Variants in ALDH1A3 observed in about 807,000 individuals in gnomAD.
ALDH1A3 encodes aldehyde dehydrogenase 1 family member A3, also known as retinaldehyde dehydrogenase 3.
Under a neutral mutation model 57.5 loss-of-function variants are expected in ALDH1A3, and 28 were observed. That is an observed-to-expected ratio of 0.49 (90% CI 0.36 to 0.67). The LOEUF (loss-of-function observed/expected upper bound fraction) is 0.67, where lower values mean the gene tolerates loss of function less well. Among genes scored for constraint, ALDH1A3 ranks in the 30% least tolerant of loss-of-function variants. ALDH1A3 has a pLI of 0.00. For missense variants in ALDH1A3, 507 were observed against 669.4 expected (o/e 0.76, Z 2.68); for synonymous variants, 281 against 264.8 (o/e 1.06, Z -0.59).
chr15:100,885,119 G>A, intron 1 of ALDH1A3, 148 bp from the exon 2 acceptor site: 1 of 618,820 alleles, frequency 1.6e-6, no homozygotes, highest in Non-Finnish European at 2.9e-6. Context: ...TCCCCTCCGG[G>A]TCTCATCTAT....
At chr15:100,904,561 GTC>G (rs1347673624) in intron 9 of ALDH1A3, among the ~76,000 whole-genome samples, 2 of 152,238 alleles carry the variant, frequency 1.3e-5, no homozygotes, top group South Asian at 4.1e-4. Context: ...GTAAAGCTTT[GTC>G]TCTCCCAGCC....
In ALDH1A3 at chr15:100,893,162, G is replaced by A. The variant is rs2041668274; in HGVS notation, c.537+156G>A. The A allele has an allele frequency of 3.1e-6, 2 of 637,152 alleles. No homozygotes were observed. Among genetic ancestry groups the A allele is most frequent in the African/African-American group, 3.6e-5 (2 of 55,016 alleles). The allele number at this position is 637,152 out of a possible 1,614,324, so 39.5% of individuals were successfully genotyped here. ...TGGAACTCCATGCTTGGGGGCTCTT[G>A]AGATGGATTAGACCCCATTTCTGCT... On this transcript the variant is annotated intron_variant, in intron 5 of 12. Transcript: ENST00000329841. This position sits in a 1 kb window ranked among gnomAD's most constrained non-coding sequence, Gnocchi z 4.8.
rs1262242805 is a variant in ALDH1A3, at chr15:100,914,873, A to G, written c.*100A>G. 1 of 1,090,274 alleles carries G rather than the reference A, an allele frequency of 9.2e-7. No individual in the cohort carries two copies. The highest frequency in any genetic ancestry group is 1.3e-6 in the Non-Finnish European group (1 of 742,858). The allele number at this position is 1,090,274 out of a possible 1,614,324, so 67.5% of individuals were successfully genotyped here. On this transcript the variant is annotated 3_prime_UTR_variant, in exon 13 of 13. Coordinates refer to ENST00000329841, the MANE Select transcript of ALDH1A3 (RefSeq NM_000693.4). ...GACATTTCTGACCTTCCCGGGACAC[A>G]TTCTTCTGGAGGCTTTACATCTACT...
intron 7 of ALDH1A3, among the ~76,000 whole-genome samples, chr15:100,897,033 C>G (rs919956632): frequency 3.3e-5 from 5 of 152,160 alleles, no homozygotes; most frequent in Non-Finnish European, 5.9e-5. Flanking sequence ...TGTGGAATTA[C>G]TTTTAATGAG....
intron 7 of ALDH1A3, 121 bp from the exon 8 acceptor site, chr15:100,897,961 TG>T: frequency 1.2e-6 from 1 of 824,900 alleles, no homozygotes; most frequent in Non-Finnish European, 2.0e-6. Flanking sequence ...CTGGAGCGCC[TG>T]GGCCGAGAGC....
chr15:100,894,133 C>G lies in ALDH1A3; in HGVS notation c.666+51C>G. On this transcript the variant is annotated intron_variant, in intron 6 of 12. Transcript: ENST00000329841. This position sits in a 1 kb window ranked among gnomAD's most constrained non-coding sequence, Gnocchi z 4.5. ...ACATGTTCTTGGTAACATTCCCACT[C>G]CTAGGAACCAGGCCACCGTCACGAG... 1 of 1,599,084 alleles carries G rather than the reference C, an allele frequency of 6.3e-7. No individual in the cohort carries two copies. Among genetic ancestry groups the G allele is most frequent in the Non-Finnish European group, 8.5e-7 (1 of 1,171,864 alleles).
At chr15:100,890,549 G>T (rs1030320835) in intron 3 of ALDH1A3, among the ~76,000 whole-genome samples, 16 of 152,172 alleles carry the variant, frequency 1.1e-4, no homozygotes, top group Non-Finnish European at 2.1e-4. Flanking sequence ...AAATAGCAAT[G>T]CTGGCTGAAT....
At position 100,905,509 on chromosome 15, in the gene ALDH1A3, T is replaced by A. The variant is rs1390155790; in HGVS notation, c.1069-14T>A. On this transcript the variant is annotated splice_polypyrimidine_tract_variant and intron_variant, in intron 9 of 12. Coordinates refer to ENST00000329841, the MANE Select transcript of ALDH1A3 (RefSeq NM_000693.4). Reference sequence around the variant, plus strand: ...GAAGGAAGCCAGGCTGTACTTCTTGTTTGTGTCTTGCAGATTGATCAAAAG... The same window carrying A: ...GAAGGAAGCCAGGCTGTACTTCTTGATTGTGTCTTGCAGATTGATCAAAAG... The A allele has an allele frequency of 6.2e-7, 1 of 1,614,162 alleles. No homozygotes were observed. Among genetic ancestry groups the A allele is most frequent in the Admixed American group, 1.7e-5 (1 of 60,026 alleles).
chr15:100,910,472 A>T (rs111749227), intron 12 of ALDH1A3, among the ~76,000 whole-genome samples: 1,720 of 152,172 alleles, frequency 0.011, 20 homozygotes, highest in Non-Finnish European at 0.017. Context: ...CTGAGCACAG[A>T]CTCTGCAGCA....
rs1249962025 is a variant in ALDH1A3 at position 100,895,954 on chromosome 15, G to A, written c.688G>A (p.Val230Met). The change falls in exon 7 of 13, where the codon GTG becomes ATG. Residue 230 changes from valine (V) to methionine (M), a missense_variant. Transcript: ENST00000329841. ...CCAGGCCGGGTTCCCTCCAGGAGTG[G>A]TGAACATTGTGCCAGGATTCGGGCC... The part of the protein sequence containing the change: ...IKEAGFPPGV[V>M]NIVPGFGPTV... 1 of 1,613,570 alleles carries A rather than the reference G, an allele frequency of 6.2e-7. No homozygotes were observed. Among genetic ancestry groups the A allele is most frequent in the Admixed American group, 1.7e-5 (1 of 59,996 alleles).
intron 12 of ALDH1A3, 37 bp downstream of exon 12, chr15:100,908,519 G>A (rs376447003): frequency 6.4e-7 from 1 of 1,550,394 alleles, no homozygotes; most frequent in Non-Finnish European, 8.9e-7. Context: ...GCCGTGGGCT[G>A]AACACTAGAT....
rs984409984 is a variant in ALDH1A3, at chr15:100,894,606, A to G, written c.666+524A>G. The G allele has an allele frequency of 6.4e-6, 1 of 155,176 alleles. No individual in the cohort carries two copies. The highest frequency in any genetic ancestry group is 1.4e-5 in the Non-Finnish European group (1 of 69,764). 9.6% of individuals were successfully genotyped at this position (155,176 alleles called of 1,614,324 possible). A position where few individuals can be genotyped will look rare whatever the true frequency, so the allele number is the denominator to read the frequency against. ...GGCTCAATGGGACACCTCCTTCCAGACATACCTTTAGTCATTCCATCCCCA... is the reference window on the plus strand; with the variant it reads ...GGCTCAATGGGACACCTCCTTCCAGGCATACCTTTAGTCATTCCATCCCCA... On this transcript the variant is annotated intron_variant, in intron 6 of 12. Transcript: ENST00000329841. The surrounding 1 kb of genome is among the most constrained non-coding windows in gnomAD (Gnocchi z 4.5).
At chr15:100,881,092 A>T (rs577883145) in intron 1 of ALDH1A3, 1 of 152,272 alleles carries the variant, frequency 6.6e-6, no homozygotes, top group Non-Finnish European at 1.5e-5. Flanking sequence ...AGTAGCAATT[A>T]TCTTTCTCAA....
At position 100,916,206 on chromosome 15, in the gene ALDH1A3, A is replaced by G. The variant is rs940271335; in HGVS notation, c.*1433A>G. 2 of 152,202 alleles carry G rather than the reference A, an allele frequency of 1.3e-5. No homozygotes were observed. Among genetic ancestry groups the G allele is most frequent in the African/African-American group, 4.8e-5 (2 of 41,436 alleles). 9.4% of individuals were successfully genotyped at this position (152,202 alleles called of 1,614,324 possible). A position where few individuals can be genotyped will look rare whatever the true frequency, so the allele number is the denominator to read the frequency against. ...AAATTACCACATTTGCCTTCCCTTC[A>G]TCAGCTAACACTTATCACTTATACT... is the stretch of plus-strand genomic sequence containing the variant. On this transcript the variant is annotated 3_prime_UTR_variant, in exon 13 of 13. Coordinates refer to ENST00000329841, the MANE Select transcript of ALDH1A3 (RefSeq NM_000693.4).
chr15:100,890,908 T>C (rs1413667897), intron 3 of ALDH1A3, among the ~76,000 whole-genome samples: 1 of 152,134 alleles, frequency 6.6e-6, no homozygotes, highest in Non-Finnish European at 1.5e-5. Context: ...TGAGTGAAAA[T>C]CTATAGGAAC....
At chr15:100,901,720 C>G (rs2041770742) in intron 9 of ALDH1A3, among the ~76,000 whole-genome samples, 1 of 152,162 alleles carries the variant, frequency 6.6e-6, no homozygotes, top group South Asian at 2.1e-4. Flanking sequence ...TATTTTTAAA[C>G]AGGAGGAAGC....
Position 100,887,637 on chromosome 15 carries a change from G to T in ALDH1A3, c.270G>T (p.Arg90=), listed in dbSNP as rs2041609533. 1 of 1,612,134 alleles carries T rather than the reference G, an allele frequency of 6.2e-7. No homozygotes were observed. The highest frequency in any genetic ancestry group is 2.2e-5 in the East Asian group (1 of 44,740). ...VAFQRGSPWR[R]LDALSRGRLL... ...TCCAGAGGGGCTCGCCATGGCGCCGGCTGGATGCCCTGAGTCGTGGGCGGC... is the reference window on the plus strand; with the variant it reads ...TCCAGAGGGGCTCGCCATGGCGCCGTCTGGATGCCCTGAGTCGTGGGCGGC... The change falls in exon 3 of 13, where the codon CGG becomes CGT. Residue 90 remains arginine, a synonymous_variant. Transcript: ENST00000329841. This position sits in a 1 kb window ranked among gnomAD's most constrained non-coding sequence, Gnocchi z 4.6.
At position 100,897,945 on chromosome 15, in the gene ALDH1A3, C is replaced by T. The variant is rs2041724125; in HGVS notation, c.781-138C>T. ...GGCCAGGACAGTGAAGGGACGGCAT[C>T]GGGGCCTGGAGCGCCTGGGCCGAGA... On this transcript the variant is annotated intron_variant, in intron 7 of 12. Coordinates refer to ENST00000329841, the MANE Select transcript of ALDH1A3 (RefSeq NM_000693.4). 1.6e-5 allele frequency: 11 copies of T among 677,956 alleles called. 1 individual carries two copies. The Middle Eastern group carries it at 1.5e-3, about 93-fold the overall frequency. 42.0% of individuals were successfully genotyped at this position (677,956 alleles called of 1,614,324 possible).
intron 2 of ALDH1A3, among the ~76,000 whole-genome samples, chr15:100,886,215 C>T (rs557281424): frequency 3.3e-4 from 51 of 152,302 alleles, no homozygotes; most frequent in Middle Eastern, 6.8e-3. Flanking sequence ...CTATACAGAC[C>T]CCCCTCTGTG....
Sources: allele counts gnomAD v4.1 joint callset (sites outside exome capture counted in the v4.1 genomes callset), GRCh38; gene constraint gnomAD v4.1.1; non-coding constraint Gnocchi (gnomAD v3.1); transcripts MANE v1.5; gene names NCBI Gene and HGNC (gene_info 2026-07-23, HGNC 2026-07-21).